The following MGAT5 variants were observed in gnomAD, a reference collection of about 807,000 sequenced individuals.
The protein encoded by MGAT5 is alpha-1,6-mannosylglycoprotein 6-beta-N-acetylglucosaminyltransferase.
A neutral mutation model predicts 94.3 loss-of-function variants in MGAT5; 30 were observed. The observed-to-expected ratio is 0.32, with a 90% CI of 0.24 to 0.43. MGAT5 has a LOEUF of 0.43. Among genes scored for constraint, MGAT5 ranks in the 20% least tolerant of loss-of-function variants. The pLI, the probability that MGAT5 is intolerant of heterozygous loss-of-function variation, is 1.00. For missense variants in MGAT5, 691 were observed against 905.5 expected (o/e 0.76, Z 3.04); for synonymous variants, 310 against 322.9 (o/e 0.96, Z 0.43).
At chr2:134,175,006 G>A (rs941968418) in intron 1 of MGAT5, among the ~76,000 whole-genome samples, 4 of 152,328 alleles carry the variant, frequency 2.6e-5, no homozygotes, top group Admixed American at 2.0e-4. Context: ...ACAGAGTGGC[G>A]AGGTGGGTGA....
intron 15 of MGAT5, 94 bp downstream of exon 15, chr2:134,442,009 A>C: frequency 7.1e-7 from 1 of 1,405,862 alleles, no homozygotes; most frequent in Non-Finnish European, 9.9e-7. Flanking sequence ...TCCTCTTCCA[A>C]GCTACTGGGC....
intron 9 of MGAT5, among the ~76,000 whole-genome samples, chr2:134,355,075 C>A (rs1034340409): frequency 6.6e-6 from 1 of 152,184 alleles, no homozygotes; most frequent in Admixed American, 6.5e-5. Context: ...GGTCCTGGCC[C>A]CGGTCTCACC....
chr2:134,414,865 G>A (rs999663969), intron 12 of MGAT5, among the ~76,000 whole-genome samples: 2 of 152,200 alleles, frequency 1.3e-5, no homozygotes, highest in African/African-American at 2.4e-5. Context: ...TGGTCTGCAT[G>A]TGGGATCATG....
intron 1 of MGAT5, among the ~76,000 whole-genome samples, chr2:134,176,572 T>TAAAAAAAAAAAAAAAAAA (rs66689362): frequency 3.6e-5 from 3 of 83,314 alleles, no homozygotes; most frequent in African/African-American, 1.6e-4. Context: ...GACTCTGTCT[T>TAAAAAAAAAAAAAAAAAA]AAAAAAAAAA....
At chr2:134,394,983 C>G (rs1007009688) in intron 10 of MGAT5, among the ~76,000 whole-genome samples, 8 of 152,246 alleles carry the variant, frequency 5.3e-5, no homozygotes, top group African/African-American at 1.7e-4. Context: ...ACTAAACAGT[C>G]TGTTTTCTGT....
At chr2:134,199,883 A>T (rs1679690699) in intron 1 of MGAT5, among the ~76,000 whole-genome samples, 2 of 152,068 alleles carry the variant, frequency 1.3e-5, no homozygotes, top group Admixed American at 6.5e-5. Context: ...GGTGCTCTGT[A>T]TGTGGAGGTT....
At chr2:134,288,006 G>T (rs1168607493) in intron 2 of MGAT5, among the ~76,000 whole-genome samples, 1 of 152,146 alleles carries the variant, frequency 6.6e-6, no homozygotes, top group African/African-American at 2.4e-5. Flanking sequence ...TGTTTTATGG[G>T]ATTTGTATAT....
intron 1 of MGAT5, among the ~76,000 whole-genome samples, chr2:134,155,062 T>C (rs959927916): frequency 1.3e-5 from 2 of 152,252 alleles, no homozygotes; most frequent in Non-Finnish European, 2.9e-5. Context: ...TGGGCGCTTA[T>C]TCACATTGTC....
chr2:134,141,711 G>A (rs936909702), intron 1 of MGAT5, among the ~76,000 whole-genome samples: 2 of 152,174 alleles, frequency 1.3e-5, no homozygotes, highest in Non-Finnish European at 2.9e-5. Context: ...AAAGATATGC[G>A]GAATTTGGAA....
At chr2:134,412,050 G>A (rs1472205033) in intron 11 of MGAT5, among the ~76,000 whole-genome samples, 1 of 152,184 alleles carries the variant, frequency 6.6e-6, no homozygotes, top group African/African-American at 2.4e-5. Flanking sequence ...ACGTGCCGAG[G>A]CATTTCTGTG....
chr2:134,254,866 G>T (rs1682835137), intron 1 of MGAT5, among the ~76,000 whole-genome samples: 1 of 152,224 alleles, frequency 6.6e-6, no homozygotes, highest in Non-Finnish European at 1.5e-5. Flanking sequence ...GAGTCAGTGG[G>T]TTAGTATAGT....
chr2:134,128,075 A>G (rs1685932600), intron 1 of MGAT5, among the ~76,000 whole-genome samples: 1 of 152,238 alleles, frequency 6.6e-6, no homozygotes, highest in South Asian at 2.1e-4. Flanking sequence ...TGTTATCTTA[A>G]GAAAAAGTGG....
intron 5 of MGAT5, 90 bp from the exon 6 acceptor site, chr2:134,338,169 C>A: frequency 9.2e-7 from 1 of 1,089,456 alleles, no homozygotes; most frequent in Non-Finnish European, 1.3e-6. Context: ...ATTGACTAAC[C>A]CTTTTAAGTT....
intron 1 of MGAT5, among the ~76,000 whole-genome samples, chr2:134,196,808 GTTC>G (rs1424601318): frequency 6.6e-6 from 1 of 152,208 alleles, no homozygotes; most frequent in Non-Finnish European, 1.5e-5. Flanking sequence ...GCCCAAGACA[GTTC>G]TTCTAGTGCG....
intron 1 of MGAT5, among the ~76,000 whole-genome samples, chr2:134,175,266 T>C (rs908883436): frequency 6.6e-6 from 1 of 152,240 alleles, no homozygotes. Context: ...AGAGAGTGAA[T>C]AGGGCAGGCT....
intron 1 of MGAT5, among the ~76,000 whole-genome samples, chr2:134,264,974 C>T (rs146175036): frequency 2.5e-4 from 38 of 152,320 alleles, no homozygotes; most frequent in Non-Finnish European, 5.0e-4. Context: ...AGTATCATGG[C>T]GGCCGTACCT....
At chr2:134,285,535 G>C (rs1684948912) in intron 2 of MGAT5, among the ~76,000 whole-genome samples, 1 of 152,084 alleles carries the variant, frequency 6.6e-6, no homozygotes, top group Non-Finnish European at 1.5e-5. Flanking sequence ...ATTTATTTCT[G>C]TCAAATTAGT....
intron 1 of MGAT5, among the ~76,000 whole-genome samples, chr2:134,266,944 T>C (rs567184154): frequency 1.2e-3 from 178 of 152,324 alleles, no homozygotes; most frequent in African/African-American, 4.0e-3. Flanking sequence ...AGGGAGAAGA[T>C]AAAGAAAGAG....
At chr2:134,409,056 C>T (rs1683498854) in intron 11 of MGAT5, among the ~76,000 whole-genome samples, 1 of 152,152 alleles carries the variant, frequency 6.6e-6, no homozygotes, top group Admixed American at 6.5e-5. Flanking sequence ...AATATACATG[C>T]AGGTGCTGAA....
Sources: allele counts gnomAD v4.1 joint callset (sites outside exome capture counted in the v4.1 genomes callset), GRCh38; gene constraint gnomAD v4.1.1; transcripts MANE v1.5; gene names NCBI Gene and HGNC (gene_info 2026-07-23, HGNC 2026-07-21).